The following PWP1 variants were observed in gnomAD, a reference collection of about 807,000 sequenced individuals.
The protein encoded by PWP1 is PWP1 homolog, endonuclein.
In PWP1, 47 loss-of-function variants were observed where a neutral mutation model predicts 69.9. That is an observed-to-expected ratio of 0.67 (90% confidence interval 0.53 to 0.86). The LOEUF is 0.86. Ranked by LOEUF, PWP1 falls within the 40% of genes least tolerant of loss-of-function variation. PWP1 has a pLI of 0.00. For synonymous variants in PWP1, 222 were observed against 208.2 expected (o/e 1.07, Z -0.57); for missense variants, 551 against 608.8 (o/e 0.91, Z 1.00).
chr12:107,698,489 C>G (rs1889638348), intron 7 of PWP1, among the ~76,000 whole-genome samples: 1 of 152,210 alleles, frequency 6.6e-6, no homozygotes, highest in Non-Finnish European at 1.5e-5. Context: ...TTGTGTGCCA[C>G]TGCACTCCAA....
At chr12:107,707,322 T>C (rs1242519898) in intron 11 of PWP1, among the ~76,000 whole-genome samples, 2 of 152,186 alleles carry the variant, frequency 1.3e-5, no homozygotes, top group African/African-American at 2.4e-5. Flanking sequence ...TTTCTAGATA[T>C]ACAATCATGT....
intron 8 of PWP1, among the ~76,000 whole-genome samples, chr12:107,699,968 AAAT>A (rs1889673411): frequency 6.6e-6 from 1 of 152,156 alleles, no homozygotes; most frequent in Non-Finnish European, 1.5e-5. Flanking sequence ...GGCAGAAAGC[AAAT>A]GAGGAGCAAA....
In PWP1 at chr12:107,685,863, C is replaced by T. The variant is rs767935901; in HGVS notation, c.-37C>T. 5.0e-6 allele frequency: 8 copies of T among 1,611,982 alleles called. No homozygotes were observed. The Admixed American group carries it at 6.7e-5, about 13-fold the overall frequency. On this transcript the variant is annotated 5_prime_UTR_variant, in exon 1 of 15. Transcript: ENST00000412830. ...CGGTCGTGGTCCCTCCCTATGCAGC[C>T]TGGTTTCTAGCGTGACACGCCCTTG...
chr12:107,708,842 T>C (rs937168845), intron 11 of PWP1, 84 bp from the exon 12 acceptor site: 1 of 1,221,858 alleles, frequency 8.2e-7, no homozygotes, highest in Non-Finnish European at 1.2e-6. Context: ...GTCATATAGC[T>C]GATTTTCACT....
At chr12:107,705,172 A>C (rs1249877867) in intron 11 of PWP1, among the ~76,000 whole-genome samples, 1 of 152,116 alleles carries the variant, frequency 6.6e-6, no homozygotes, top group Non-Finnish European at 1.5e-5. Flanking sequence ...CCAAATAGGA[A>C]AAAAAGTATA....
At chr12:107,709,290 T>TCTGGAA in intron 13 of PWP1, 58 bp downstream of exon 13, 1 of 1,570,398 alleles carries the variant, frequency 6.4e-7, no homozygotes, top group Non-Finnish European at 8.7e-7. Context: ...CTTGTCTTTT[T>TCTGGAA]CTGGAACTTG....
chr12:107,688,417 A>T (rs1251120078), intron 1 of PWP1, 31 bp from the exon 2 acceptor site: 1 of 1,573,010 alleles, frequency 6.4e-7, no homozygotes. Flanking sequence ...TTCCTTACAC[A>T]TATTGTAATG....
intron 14 of PWP1, among the ~76,000 whole-genome samples, chr12:107,710,748 T>C (rs1593151641): frequency 6.6e-6 from 1 of 152,156 alleles, no homozygotes; most frequent in African/African-American, 2.4e-5. Context: ...GAATTGTTTC[T>C]CAGCATTTTG....
chr12:107,702,705 T>A (rs765722552), intron 8 of PWP1, among the ~76,000 whole-genome samples: 6 of 152,232 alleles, frequency 3.9e-5, no homozygotes, highest in Non-Finnish European at 7.3e-5. Flanking sequence ...ATATTAACAC[T>A]ATTAAGTCTT....
chr12:107,696,686 T>G (rs1209510653), intron 6 of PWP1, 102 bp downstream of exon 6: 12 of 1,511,880 alleles, frequency 7.9e-6, no homozygotes, highest in Non-Finnish European at 1.1e-5. Flanking sequence ...GAATTGTTGC[T>G]GATATTTTCT....
chr12:107,699,843 G>A (rs1889669888), intron 8 of PWP1, among the ~76,000 whole-genome samples: 1 of 152,090 alleles, frequency 6.6e-6, no homozygotes, highest in African/African-American at 2.4e-5. Context: ...GTTAACACTT[G>A]TATTAGTCTG....
rs2136288847 is a variant in PWP1, at chr12:107,709,229, A to G, written c.1287A>G (p.Lys429=). 1 of 1,613,120 alleles carries G rather than the reference A, an allele frequency of 6.2e-7. No homozygotes were observed. Among genetic ancestry groups the G allele is most frequent in the South Asian group, 1.1e-5 (1 of 90,972 alleles). ...GTCTAGTTCATTCTAGGGACATGAAAATGGTAAGAATCTCCCTGGGTATCT... is the reference window on the plus strand; with the variant it reads ...GTCTAGTTCATTCTAGGGACATGAAGATGGTAAGAATCTCCCTGGGTATCT... ...RPSLVHSRDM[K]MGVLFCSSCC... Residue 429 remains lysine, a synonymous_variant, in exon 13 of 15, where the codon AAA becomes AAG. Transcript: ENST00000412830.
Position 107,704,668 on chromosome 12 carries a change from A to G in PWP1, c.998A>G (p.Asp333Gly), listed in dbSNP as rs1196923779. ...GCTTTGTATGACTGCCGAAGTCCAG[A>G]TGAAAGCCATCGAATGTGGCGATTC... ...SVALYDCRSP[D>G]ESHRMWRFSG... The change falls in exon 11 of 15, where the codon GAT (aspartate) becomes GGT (glycine). Residue 333 changes from aspartate to glycine, a missense_variant. Transcript: ENST00000412830. The G allele has an allele frequency of 6.2e-7, 1 of 1,614,024 alleles. No individual in the cohort carries two copies. The highest frequency in any genetic ancestry group is 1.1e-5 in the South Asian group (1 of 91,078).
At chr12:107,695,265 C>CA (rs564258184) in intron 5 of PWP1, among the ~76,000 whole-genome samples, 8,605 of 141,810 alleles carry the variant, frequency 0.061, 811 homozygotes, top group African/African-American at 0.21. Flanking sequence ...GACTCCATCT[C>CA]AAAAAAAAAA....
At chr12:107,709,057 G>A (rs368353871) in intron 12 of PWP1, 41 bp downstream of exon 12, 30 of 1,613,372 alleles carry the variant, frequency 1.9e-5, no homozygotes, top group Non-Finnish European at 2.5e-5. Context: ...CTTAACTTAT[G>A]ATGAAGTAAA....
chr12:107,709,013 T>G lies in PWP1; in HGVS notation c.1165T>G (p.Ser389Ala), dbSNP rs1443126497. 6.2e-7 allele frequency: 1 copy of G among 1,613,814 alleles called. No individual in the cohort carries two copies. The highest frequency in any genetic ancestry group is 2.2e-5 in the East Asian group (1 of 44,868). ...FTLNAHNDEI[S>A]GLDLSSQIKG... is the part of the protein sequence containing the mutation. The stretch of plus-strand genomic sequence containing the variant: ...ACTTAATGCACACAATGATGAAATC[T>G]CTGGTGAGCAAGAGTAATGCTTCTT... Residue 389 changes from serine to alanine, a missense_variant, in exon 12 of 15, where the codon TCT becomes GCT. Coordinates refer to ENST00000412830, the MANE Select transcript of PWP1 (RefSeq NM_007062.3).
intron 11 of PWP1, among the ~76,000 whole-genome samples, chr12:107,707,352 T>G (rs11113448): frequency 0.3 from 44,776 of 151,268 alleles, 7,915 homozygotes; most frequent in Middle Eastern, 0.42. Flanking sequence ...ACAGGGACAA[T>G]TTGACTTCCT....
intron 3 of PWP1, among the ~76,000 whole-genome samples, chr12:107,692,011 A>G (rs1012419015): frequency 1.4e-4 from 22 of 152,146 alleles, no homozygotes; most frequent in African/African-American, 4.6e-4. Context: ...AGTTTTTTCT[A>G]TTGGACTCTG....
intron 1 of PWP1, 34 bp downstream of exon 1, chr12:107,686,005 G>GA: frequency 6.2e-7 from 1 of 1,609,572 alleles, no homozygotes; most frequent in Non-Finnish European, 8.5e-7. Context: ...AAGGGGAGCA[G>GA]CGTCTTTACG....
Sources: gnomAD v4.1 joint callset for allele counts (sites outside exome capture counted in the v4.1 genomes callset) on GRCh38, gnomAD v4.1.1 for gene constraint, MANE v1.5 for transcripts, NCBI Gene and HGNC (gene_info 2026-07-23, HGNC 2026-07-21) for gene names.